The following GRIK4 variants were observed in gnomAD, a reference collection of about 807,000 sequenced individuals.
The protein encoded by GRIK4 is glutamate ionotropic receptor kainate type subunit 4, also known as glutamate receptor ionotropic, kainate 4.
In GRIK4, 40 loss-of-function variants were observed where a neutral mutation model predicts 104.9. That is an observed-to-expected ratio of 0.38 (90% CI 0.30 to 0.50). The LOEUF is 0.50. Among genes scored for constraint, GRIK4 ranks in the 20% least tolerant of loss-of-function variants. The pLI is 0.93. For synonymous variants in GRIK4, 485 were observed against 524.9 expected (o/e 0.92, Z 1.04); for missense variants, 1,047 against 1,308.1 (o/e 0.80, Z 3.08).
intron 1 of GRIK4, among the ~76,000 whole-genome samples, chr11:120,522,138 T>G (rs746804097): frequency 4.5e-4 from 68 of 152,186 alleles, no homozygotes; most frequent in Non-Finnish European, 8.5e-4. Context: ...GCCTGGGCCA[T>G]GCTCTGGAGT....
intron 14 of GRIK4, among the ~76,000 whole-genome samples, chr11:120,945,742 C>T (rs937049913): frequency 6.6e-6 from 1 of 152,252 alleles, no homozygotes; most frequent in Non-Finnish European, 1.5e-5. Flanking sequence ...GATGCAGCCT[C>T]TGGCTCAGGT....
rs78525489 is a variant in GRIK4, at chr11:120,981,031, C to T, written c.2396-1075C>T. 5.3e-3 allele frequency among the ~76,000 whole-genome samples: 803 copies of T among 152,260 alleles called. 8 individuals are homozygous for T. The highest frequency in any genetic ancestry group is 0.018 in the African/African-American group (764 of 41,536). On this transcript the variant is annotated intron_variant, in intron 19 of 20. Transcript: ENST00000527524. ...GCTGACTGCCCCGACACTGACGAGG[C>T]TCCATGTTCTGTGAGGACATTACTG...
At chr11:120,765,982 G>T (rs773219023) in intron 3 of GRIK4, among the ~76,000 whole-genome samples, 24 of 152,234 alleles carry the variant, frequency 1.6e-4, no homozygotes, top group Admixed American at 3.3e-4. Flanking sequence ...TGAGCACTGT[G>T]CTGGGAGATC....
chr11:120,666,981 A>C (rs986284507), intron 3 of GRIK4, among the ~76,000 whole-genome samples: 1 of 152,146 alleles, frequency 6.6e-6, no homozygotes, highest in South Asian at 2.1e-4. Flanking sequence ...GATTCCTTGT[A>C]AAAAAGTGTT....
At chr11:120,529,343 G>C (rs1422238434) in intron 1 of GRIK4, among the ~76,000 whole-genome samples, 1 of 152,198 alleles carries the variant, frequency 6.6e-6, no homozygotes, top group Non-Finnish European at 1.5e-5. Context: ...AAGCGATCGA[G>C]CACCAAAGAG....
intron 1 of GRIK4, among the ~76,000 whole-genome samples, chr11:120,615,342 T>G (rs547273728): frequency 3.3e-4 from 50 of 152,330 alleles, no homozygotes; most frequent in African/African-American, 1.1e-3. Context: ...GGTGGGCTAC[T>G]TCTGTGGGCC....
chr11:120,623,838 G>A (rs1460656990), intron 1 of GRIK4, among the ~76,000 whole-genome samples: 2 of 152,154 alleles, frequency 1.3e-5, no homozygotes, highest in Non-Finnish European at 2.9e-5. Flanking sequence ...CATGGGGCCT[G>A]CACCATGCAG....
intron 8 of GRIK4, among the ~76,000 whole-genome samples, chr11:120,846,050 C>A (rs1953845081): frequency 6.6e-6 from 1 of 152,182 alleles, no homozygotes; most frequent in East Asian, 1.9e-4. Flanking sequence ...AAGCTGCTAA[C>A]CCTCCTGTAC....
chr11:120,742,404 G>A (rs1951349512), intron 3 of GRIK4, among the ~76,000 whole-genome samples: 1 of 149,342 alleles, frequency 6.7e-6, no homozygotes, highest in Admixed American at 6.7e-5. Context: ...AGATATACAT[G>A]CAGCCAACAA....
chr11:120,908,281 G>T (rs983070622), intron 13 of GRIK4, among the ~76,000 whole-genome samples: 11 of 152,184 alleles, frequency 7.2e-5, no homozygotes, highest in Non-Finnish European at 1.5e-4. Flanking sequence ...ACATCTTGAT[G>T]TTAGACAGAC....
Position 120,940,653 on chromosome 11 carries a change from G to A in GRIK4, c.1590+193G>A, listed in dbSNP as rs952185062. 1.3e-5 allele frequency among the ~76,000 whole-genome samples: 2 copies of A among 152,124 alleles called. No homozygotes were observed. Among genetic ancestry groups the A allele is most frequent in the Non-Finnish European group, 2.9e-5 (2 of 68,020 alleles). On this transcript the variant is annotated intron_variant, in intron 14 of 20. Transcript: ENST00000527524. The surrounding 1 kb of genome is among the most constrained non-coding windows in gnomAD (Gnocchi z 4.3). The stretch of plus-strand genomic sequence containing the variant: ...AAGGGATGGAAAAGTCATGCTTGTG[G>A]GCTTTCCAGTAAAAATTACTTCTGC...
chr11:120,598,410 C>A (rs746814764), intron 1 of GRIK4, among the ~76,000 whole-genome samples: 1 of 152,198 alleles, frequency 6.6e-6, no homozygotes, highest in Non-Finnish European at 1.5e-5. Context: ...CTTTCTCCAT[C>A]GGCTCCAGGG....
intron 13 of GRIK4, among the ~76,000 whole-genome samples, chr11:120,918,577 G>T (rs1347946056): frequency 6.6e-6 from 1 of 152,124 alleles, no homozygotes; most frequent in African/African-American, 2.4e-5. Context: ...GGATGGGGGG[G>T]TATCTACTTG....
rs372703692 is a variant in GRIK4, at chr11:120,920,811, T to A, written c.1476+15318T>A. ...GGCTACCATTTGCTCACATCTTCAA[T>A]GAGCATAAACATTTCCTCTATGCCC... On this transcript the variant is annotated intron_variant, in intron 13 of 20. Coordinates refer to ENST00000527524, the MANE Select transcript of GRIK4 (RefSeq NM_014619.5). Among the ~76,000 whole-genome samples the A allele has an allele frequency of 6.6e-5, 10 of 151,770 alleles. No homozygotes were observed. The East Asian group carries it at 1.7e-3, about 26-fold the overall frequency.
intron 1 of GRIK4, among the ~76,000 whole-genome samples, chr11:120,580,672 G>A (rs944308809): frequency 3.9e-5 from 6 of 151,970 alleles, no homozygotes; most frequent in African/African-American, 7.2e-5. Context: ...AGGGTGTAGC[G>A]ATCCTACTGC....
chr11:120,726,239 G>A (rs1951025586), intron 3 of GRIK4, among the ~76,000 whole-genome samples: 1 of 152,194 alleles, frequency 6.6e-6, no homozygotes, highest in Non-Finnish European at 1.5e-5. Flanking sequence ...GTAGGGTCTT[G>A]TAAGCCATAG....
rs533854738 is a variant in GRIK4, at chr11:120,646,695, T to C, written c.-158-6990T>C. On this transcript the variant is annotated intron_variant, in intron 1 of 20. Transcript: ENST00000527524. Reference sequence around the variant, plus strand: ...AGAAAACAAAGATAAATCATTCATCTGTTCAATAAATCTGAGAGATAGGGA... The same window carrying C: ...AGAAAACAAAGATAAATCATTCATCCGTTCAATAAATCTGAGAGATAGGGA... 3.9e-5 allele frequency among the ~76,000 whole-genome samples: 6 copies of C among 152,334 alleles called. No homozygotes were observed. In the East Asian group the frequency reaches 9.6e-4, roughly 24 times the overall value.
Position 120,802,772 on chromosome 11 carries a change from C to T in GRIK4, c.162C>T (p.Arg54=), listed in dbSNP as rs770832169. Residue 54 remains arginine (R), a synonymous_variant, in exon 4 of 21, where the codon CGC becomes CGT. Transcript: ENST00000527524. ...SITLAKNRIN[R]APERLGKAKV... is the part of the protein sequence containing the mutation. The stretch of plus-strand genomic sequence containing the variant: ...CCCTGGCCAAGAACCGCATCAACCG[C>T]GCTCCTGAGAGGCTGGGCAAGGCCA... The T allele has an allele frequency of 9.9e-6, 16 of 1,613,998 alleles. No individual in the cohort carries two copies. Among genetic ancestry groups the T allele is most frequent in the East Asian group, 6.7e-5 (3 of 44,894 alleles).
At chr11:120,676,099 CT>C (rs372898093) in intron 3 of GRIK4, among the ~76,000 whole-genome samples, 1 of 152,126 alleles carries the variant, frequency 6.6e-6, no homozygotes, top group African/African-American at 2.4e-5. Context: ...TTCTTGCTGG[CT>C]GTCAGCTGAG....
Sources: gnomAD v4.1 joint callset for allele counts (sites outside exome capture counted in the v4.1 genomes callset) on GRCh38, gnomAD v4.1.1 for gene constraint, Gnocchi (gnomAD v3.1) non-coding constraint, MANE v1.5 for transcripts, NCBI Gene and HGNC (gene_info 2026-07-23, HGNC 2026-07-21) for gene names.